Variants in ZNF670 observed in about 807,000 individuals in gnomAD.
ZNF670 encodes zinc finger protein 670.
ZNF670 carries 7 observed loss-of-function variants against 10.9 expected under a neutral mutation model. The ratio of observed to expected loss-of-function variants is 0.64; its 90% CI spans 0.36 to 1.20. The LOEUF is 1.20. ZNF670 is among the 50% of genes most tolerant of loss of function. The pLI, the probability that ZNF670 is intolerant of heterozygous loss-of-function variation, is 0.02. For synonymous variants in ZNF670, 136 were observed against 152.7 expected, an observed-to-expected ratio of 0.89 and a Z score of 0.81; for missense variants, 446 against 458.6, an observed-to-expected ratio of 0.97 and a Z score of 0.25.
At chr1:247,048,480 T>G (rs1395689093) in intron 1 of ZNF670, among the ~76,000 whole-genome samples, 1 of 152,232 alleles carries the variant, frequency 6.6e-6, no homozygotes, top group African/African-American at 2.4e-5. Context: ...CACATCTTCC[T>G]GTCTCCTTCT....
At chr1:247,041,433 T>A (rs999254220) in intron 1 of ZNF670, among the ~76,000 whole-genome samples, 79 of 152,242 alleles carry the variant, frequency 5.2e-4, no homozygotes, top group African/African-American at 1.7e-3. Context: ...CCTATTTTTT[T>A]AAAAAGTCAA....
rs565219534 is a variant in ZNF670, at chr1:247,041,530, C to T, written c.4-1993G>A. On this transcript the variant is annotated intron_variant, in intron 1 of 3. Coordinates refer to ENST00000366503, the MANE Select transcript of ZNF670 (RefSeq NM_033213.5). ...GAAAAAAATCAACTCCATGTGATGA[C>T]GGCCATGGCAAACGGGTTACTCACG... Among the ~76,000 whole-genome samples the T allele has an allele frequency of 6.6e-5, 10 of 152,212 alleles. No individual in the cohort carries two copies. The East Asian group carries it at 1.3e-3, about 21-fold the overall frequency.
chr1:247,038,868 T>C lies in ZNF670; in HGVS notation c.133A>G (p.Asn45Asp), dbSNP rs746098375. The change falls in exon 3 of 4, where the codon AAC (asparagine) becomes GAC (aspartate). Residue 45 changes from asparagine (N) to aspartate (D), a missense_variant and splice_region_variant. By Grantham distance (23) the Asn-to-Asp change is conservative (BLOSUM62 1). Transcript: ENST00000366503. ...TGGATATTCTGGTCTTCTGATTTGTTTCCTAAAAGGTACAACCATAAGATT... is the reference window on the plus strand; with the variant it reads ...TGGATATTCTGGTCTTCTGATTTGTCTCCTAAAAGGTACAACCATAAGATT... ...EIFRNLASVGNKSEDQNIQDD... is the reference protein window; with the variant it reads ...EIFRNLASVGDKSEDQNIQDD... 1.9e-6 allele frequency: 3 copies of C among 1,610,786 alleles called. No homozygotes were observed. Among genetic ancestry groups the C allele is most frequent in the Admixed American group, 3.3e-5 (2 of 59,842 alleles).
chr1:247,078,577 C>G lies in ZNF670; in HGVS notation c.3+17G>C. The G allele has an allele frequency of 1.2e-6, 2 of 1,613,900 alleles. No homozygotes were observed. Among genetic ancestry groups the G allele is most frequent in the South Asian group, 2.2e-5 (2 of 91,056 alleles). On this transcript the variant is annotated intron_variant, in intron 1 of 3. Coordinates refer to ENST00000366503, the MANE Select transcript of ZNF670 (RefSeq NM_033213.5). ...TTCCCTTTTCCCCTTCCCGAGACAC[C>G]TGGCCGGCACACTCACCATTTCCCA...
chr1:247,043,395 C>T (rs545634746), intron 1 of ZNF670: 52 of 539,340 alleles, frequency 9.6e-5, no homozygotes, highest in South Asian at 8.9e-4. Context: ...AAAGAAAGTT[C>T]ACCTAACTGA....
chr1:247,042,223 C>T (rs1359975331), intron 1 of ZNF670, among the ~76,000 whole-genome samples: 1 of 152,182 alleles, frequency 6.6e-6, no homozygotes, highest in Non-Finnish European at 1.5e-5. Flanking sequence ...GTAAATTGAG[C>T]AGCACAGCTC....
intron 1 of ZNF670, among the ~76,000 whole-genome samples, chr1:247,041,079 G>A (rs974701843): frequency 6.6e-6 from 1 of 152,154 alleles, no homozygotes; most frequent in Non-Finnish European, 1.5e-5. Context: ...ACATACAGTA[G>A]AGCAAATTGG....
chr1:247,058,023 T>C (rs1378013260), intron 1 of ZNF670, among the ~76,000 whole-genome samples: 5 of 152,184 alleles, frequency 3.3e-5, no homozygotes, highest in Admixed American at 2.6e-4. Flanking sequence ...AAGATAAATG[T>C]TTAAAGTTAT....
At chr1:247,074,367 T>C (rs1671204581) in intron 1 of ZNF670, among the ~76,000 whole-genome samples, 1 of 151,972 alleles carries the variant, frequency 6.6e-6, no homozygotes, top group African/African-American at 2.4e-5. Context: ...AAATGTTCTC[T>C]GATCTAGAAT....
intron 1 of ZNF670, among the ~76,000 whole-genome samples, chr1:247,054,110 A>G (rs1477290889): frequency 3.9e-5 from 6 of 152,238 alleles, no homozygotes; most frequent in Admixed American, 3.9e-4. Flanking sequence ...ACTTCAGCAG[A>G]GGAAACATTT....
At chr1:247,072,766 G>A (rs1458042672) in intron 1 of ZNF670, among the ~76,000 whole-genome samples, 7 of 134,112 alleles carry the variant, frequency 5.2e-5, no homozygotes, top group Non-Finnish European at 7.8e-5. Flanking sequence ...CAGCCTGGGC[G>A]ACAAGAACGA....
rs1396783273 is a variant in ZNF670 at position 247,035,851 on chromosome 1, CAG to C, written c.*1596_*1597del. On this transcript the variant is annotated 3_prime_UTR_variant, in exon 4 of 4. Transcript: ENST00000366503. ...TTGGGAACGGAAGTGCTTTGGATTT[CAG>C]ACTTTTAACATTTTGGAATATTTGC... 6.6e-6 allele frequency among the ~76,000 whole-genome samples: 1 copy of C among 152,160 alleles called. No homozygotes were observed. The highest frequency in any genetic ancestry group is 2.4e-5 in the African/African-American group (1 of 41,440).
intron 1 of ZNF670, among the ~76,000 whole-genome samples, chr1:247,067,841 C>CAAAAAAAAAA (rs61211824): frequency 4.7e-5 from 4 of 85,262 alleles, no homozygotes; most frequent in Non-Finnish European, 4.3e-5. Context: ...GACTCCGTCT[C>CAAAAAAAAAA]AAAAAAAAAA....
rs980071759 is a variant in ZNF670 at position 247,062,718 on chromosome 1, G to A, written c.3+15876C>T. Among the ~76,000 whole-genome samples the A allele has an allele frequency of 2.0e-4, 30 of 152,196 alleles. 1 individual carries two copies. The highest frequency in any genetic ancestry group is 7.2e-4 in the African/African-American group (30 of 41,446). On this transcript the variant is annotated intron_variant, in intron 1 of 3. Transcript: ENST00000366503. ...TGCAGGTTCTTTCACCACGTCACTG[G>A]GGTGGGTTTCCCTTCTCTGTTAATA... is the stretch of plus-strand genomic sequence containing the variant.
chr1:247,076,658 C>CTTTTT (rs553387815), intron 1 of ZNF670, among the ~76,000 whole-genome samples: 5 of 139,884 alleles, frequency 3.6e-5, no homozygotes, highest in African/African-American at 5.4e-5. Context: ...AATAAACTCT[C>CTTTTT]TTTTTTTTTT....
chr1:247,064,031 G>T (rs1280304473), intron 1 of ZNF670, among the ~76,000 whole-genome samples: 1 of 152,218 alleles, frequency 6.6e-6, no homozygotes, highest in Non-Finnish European at 1.5e-5. Context: ...GGGAGGGCTG[G>T]GTCTGGCCTC....
At chr1:247,077,614 T>C (rs931889402) in intron 1 of ZNF670, among the ~76,000 whole-genome samples, 7 of 140,692 alleles carry the variant, frequency 5.0e-5, no homozygotes, top group African/African-American at 2.0e-4. Context: ...GACTCACTAC[T>C]CTGAAAAAAA....
At chr1:247,038,893 T>A in intron 2 of ZNF670, 23 bp from the exon 3 acceptor site, 1 of 1,585,626 alleles carries the variant, frequency 6.3e-7, no homozygotes, top group Non-Finnish European at 8.6e-7. Context: ...ACCATAAGAT[T>A]ATTCAAATGA....
intron 1 of ZNF670, among the ~76,000 whole-genome samples, chr1:247,058,900 G>A (rs1431347373): frequency 6.6e-6 from 1 of 152,054 alleles, no homozygotes; most frequent in Non-Finnish European, 1.5e-5. Flanking sequence ...TCCAAAAAAG[G>A]AAGGACAAGG....
Sources: gnomAD v4.1 joint callset for allele counts (sites outside exome capture counted in the v4.1 genomes callset) on GRCh38, gnomAD v4.1.1 for gene constraint, MANE v1.5 for transcripts, NCBI Gene and HGNC (gene_info 2026-07-23, HGNC 2026-07-21) for gene names.